Variants in CPA4 observed in about 807,000 individuals in gnomAD.
CPA4 encodes the protein carboxypeptidase A4, also known as carboxypeptidase A3.
Under a neutral mutation model 54.7 loss-of-function variants are expected in CPA4, and 49 were observed. The observed-to-expected ratio is 0.90, with a 90% CI of 0.71 to 1.14. CPA4 has a LOEUF of 1.14. Ranked by LOEUF, CPA4 falls within the 50% of genes most tolerant of loss-of-function variation. CPA4 has a pLI of 0.00. For missense variants in CPA4, 487 were observed against 525.1 expected (o/e 0.93, Z 0.71); for synonymous variants, 215 against 206.8 (o/e 1.04, Z -0.34).
intron 1 of CPA4, chr7:130,293,476 C>T: frequency 2.0e-6 from 1 of 506,780 alleles, no homozygotes; most frequent in Non-Finnish European, 3.5e-6. Flanking sequence ...GCTCCCTCAT[C>T]TCCTGCCAGT....
chr7:130,297,940 G>A (rs1793675315), intron 1 of CPA4, among the ~76,000 whole-genome samples: 1 of 152,196 alleles, frequency 6.6e-6, no homozygotes, highest in Non-Finnish European at 1.5e-5. Flanking sequence ...CGCCGCTGCA[G>A]AAGCTAAATC....
At chr7:130,298,204 T>C (rs1569132) in intron 1 of CPA4, among the ~76,000 whole-genome samples, 62,829 of 152,032 alleles carry the variant, frequency 0.41, 12,963 homozygotes, top group Non-Finnish European at 0.44. Flanking sequence ...ATGGAGATGC[T>C]GTTTTCTTTC....
At position 130,300,264 on chromosome 7, in the gene CPA4, C is replaced by T. The variant is rs1048394193; in HGVS notation, c.286-552C>T. Among the ~76,000 whole-genome samples, 13 of 151,796 alleles carry T rather than the reference C, an allele frequency of 8.6e-5. No individual in the cohort carries two copies. In the East Asian group the frequency reaches 1.4e-3, roughly 16 times the overall value. Reference sequence around the variant, plus strand: ...TTCATACTATAGGATAGCCAAAGAGCGCATATGTTGCTTCCAGGGAGTAAG... The same window carrying T: ...TTCATACTATAGGATAGCCAAAGAGTGCATATGTTGCTTCCAGGGAGTAAG... On this transcript the variant is annotated intron_variant, in intron 3 of 10. Coordinates refer to ENST00000222482, the MANE Select transcript of CPA4 (RefSeq NM_016352.4).
chr7:130,317,638 A>AT (rs968179014), intron 10 of CPA4, among the ~76,000 whole-genome samples: 33 of 151,158 alleles, frequency 2.2e-4, no homozygotes, highest in Non-Finnish European at 2.8e-4. Flanking sequence ...TAATTTTTGT[A>AT]TTTTTTTTTG....
chr7:130,296,742 G>A (rs549499908), intron 1 of CPA4, among the ~76,000 whole-genome samples: 2 of 135,466 alleles, frequency 1.5e-5, no homozygotes, highest in South Asian at 4.8e-4. Context: ...ACTGGAGTGC[G>A]GTGATGCAAT....
intron 10 of CPA4, among the ~76,000 whole-genome samples, chr7:130,320,174 A>T (rs1794067150): frequency 6.6e-6 from 1 of 152,184 alleles, no homozygotes; most frequent in South Asian, 2.1e-4. Flanking sequence ...AATGAGGTAG[A>T]TCTATGTGCG....
At chr7:130,309,462 T>C (rs1362788356) in intron 8 of CPA4, among the ~76,000 whole-genome samples, 3 of 152,122 alleles carry the variant, frequency 2.0e-5, no homozygotes, top group Non-Finnish European at 4.4e-5. Flanking sequence ...TGTGTAGATA[T>C]GAACCTTAGC....
At chr7:130,311,349 G>A (rs1006896434) in intron 9 of CPA4, among the ~76,000 whole-genome samples, 2 of 152,172 alleles carry the variant, frequency 1.3e-5, no homozygotes, top group Non-Finnish European at 2.9e-5. Context: ...TAAGGAGGGC[G>A]AAGGCCACAG....
At chr7:130,299,810 C>T in intron 3 of CPA4, 1 of 172,886 alleles carries the variant, frequency 5.8e-6, no homozygotes, top group East Asian at 1.4e-4. Context: ...CCTACGTCTG[C>T]CATTAAGTCA....
chr7:130,306,862 G>A lies in CPA4; in HGVS notation c.667G>A (p.Ala223Thr). The A allele has an allele frequency of 6.2e-7, 1 of 1,609,810 alleles. No individual in the cohort carries two copies. The highest frequency in any genetic ancestry group is 1.1e-5 in the South Asian group (1 of 90,988). The part of the protein sequence containing the change: ...EKMDIFLLPV[A>T]NPDGYVYTQT... Reference sequence around the variant, plus strand: ...AATGGATATTTTCTTGTTGCCTGTGGCCAATCCTGATGGATATGTGTATAC... The same window carrying A: ...AATGGATATTTTCTTGTTGCCTGTGACCAATCCTGATGGATATGTGTATAC... The change falls in exon 7 of 11, where the codon GCC becomes ACC. Residue 223 changes from alanine to threonine, a missense_variant. Ala to Thr is a moderately conservative substitution (Grantham distance 58). Coordinates refer to ENST00000222482, the MANE Select transcript of CPA4 (RefSeq NM_016352.4).
intron 1 of CPA4, among the ~76,000 whole-genome samples, chr7:130,294,476 G>A (rs1793619532): frequency 6.6e-6 from 1 of 152,238 alleles, no homozygotes; most frequent in African/African-American, 2.4e-5. Context: ...CCCACAGGCG[G>A]CTCAGCAGTA....
At chr7:130,300,685 C>A (rs1224596318) in intron 3 of CPA4, 131 bp from the exon 4 acceptor site, 10 of 611,420 alleles carry the variant, frequency 1.6e-5, no homozygotes, top group Non-Finnish European at 2.9e-5. Context: ...CCTTTTAAAC[C>A]TTGACATTTG....
chr7:130,302,505 AAG>A, intron 4 of CPA4, among the ~76,000 whole-genome samples: 1 of 151,632 alleles, frequency 6.6e-6, no homozygotes, highest in Non-Finnish European at 1.5e-5. Flanking sequence ...AAAAAAAAAA[AAG>A]AGCGCTCATA....
intron 3 of CPA4, 50 bp from the exon 4 acceptor site, chr7:130,300,765 TA>T: frequency 7.5e-7 from 1 of 1,333,174 alleles, no homozygotes; most frequent in Non-Finnish European, 1.1e-6. Context: ...AGAAAAAACA[TA>T]AACCTGCGTC....
rs758470303 is a variant in CPA4 at position 130,317,148 on chromosome 7, G to A, written c.1078+5026G>A. ...AATCCTCTCTTGTCAGCTTCCCAAA[G>A]TGTTGAGATGACAGGCACGAGCCAG... On this transcript the variant is annotated intron_variant, in intron 10 of 10. Transcript: ENST00000222482. Among the ~76,000 whole-genome samples the A allele has an allele frequency of 2.0e-5, 3 of 152,166 alleles. No individual in the cohort carries two copies. The South Asian group carries it at 6.2e-4, about 32-fold the overall frequency.
intron 5 of CPA4, 132 bp from the exon 6 acceptor site, chr7:130,305,684 T>A: frequency 1.4e-6 from 1 of 730,866 alleles, no homozygotes; most frequent in East Asian, 2.7e-5. Flanking sequence ...GATAAATAGA[T>A]GGTGCCCTTA....
chr7:130,294,344 T>C (rs1384873696), intron 1 of CPA4, among the ~76,000 whole-genome samples: 3 of 152,230 alleles, frequency 2.0e-5, no homozygotes, highest in Non-Finnish European at 4.4e-5. Flanking sequence ...GGGTTGTTTT[T>C]TGAGGTAATT....
At position 130,304,594 on chromosome 7, in the gene CPA4, A is replaced by G. The variant is rs1793790490; in HGVS notation, c.486+15A>G. The G allele has an allele frequency of 6.6e-7, 1 of 1,513,708 alleles. No homozygotes were observed. The highest frequency in any genetic ancestry group is 9.2e-7 in the Non-Finnish European group (1 of 1,088,340). 93.8% of individuals were successfully genotyped at this position (1,513,708 alleles called of 1,614,324 possible). ...ATGTACTGAAGGTGAGGCCACATGC[A>G]CTTGGAAGGGTCTCCTGGGTCCTCA... On this transcript the variant is annotated intron_variant, in intron 5 of 10. Coordinates refer to ENST00000222482, the MANE Select transcript of CPA4 (RefSeq NM_016352.4).
chr7:130,302,312 C>T (rs1793750797), intron 4 of CPA4, among the ~76,000 whole-genome samples: 1 of 151,978 alleles, frequency 6.6e-6, no homozygotes, highest in South Asian at 2.1e-4. Flanking sequence ...CATGGTGAAA[C>T]CCCGTCTCAA....
Sources: allele counts gnomAD v4.1 joint callset (sites outside exome capture counted in the v4.1 genomes callset), GRCh38; gene constraint gnomAD v4.1.1; transcripts MANE v1.5; gene names NCBI Gene and HGNC (gene_info 2026-07-23, HGNC 2026-07-21).